Variants in FRMD4A observed in about 807,000 individuals in gnomAD.
The protein encoded by FRMD4A is FERM domain-containing protein 4A.
FRMD4A carries 29 observed loss-of-function variants against 129.1 expected under a neutral mutation model. The observed-to-expected ratio is 0.22, with a 90% CI of 0.17 to 0.31. The LOEUF (loss-of-function observed/expected upper bound fraction) is 0.31. FRMD4A is among the 10% of genes least tolerant of loss of function. The pLI is 1.00. For synonymous variants in FRMD4A, 634 were observed against 571.6 expected (o/e 1.11, Z -1.56); for missense variants, 1,272 against 1,375.8 (o/e 0.92, Z 1.19).
chr10:14,141,681 C>T (rs568765291), intron 2 of FRMD4A, among the ~76,000 whole-genome samples: 4 of 152,176 alleles, frequency 2.6e-5, no homozygotes, highest in Non-Finnish European at 4.4e-5. Flanking sequence ...TCCAGCCTCA[C>T]CCACTTCTCA....
intron 2 of FRMD4A, among the ~76,000 whole-genome samples, chr10:14,311,719 A>G (rs563938094): frequency 6.6e-5 from 10 of 152,012 alleles, no homozygotes; most frequent in African/African-American, 2.4e-4. Context: ...CTCCTGCCCC[A>G]CAAAATCAAG....
intron 2 of FRMD4A, among the ~76,000 whole-genome samples, chr10:13,907,873 A>AC (rs992510547): frequency 2.0e-5 from 3 of 150,836 alleles, no homozygotes; most frequent in Non-Finnish European, 4.4e-5. Flanking sequence ...AAAAAAAAAA[A>AC]AGCACAGATA....
chr10:13,784,447 T>A (rs1398847145), intron 5 of FRMD4A, among the ~76,000 whole-genome samples: 3 of 152,232 alleles, frequency 2.0e-5, no homozygotes, highest in African/African-American at 7.2e-5. Context: ...AACAAACTGA[T>A]GCCCTTAGCT....
intron 2 of FRMD4A, among the ~76,000 whole-genome samples, chr10:14,284,440 A>T (rs995457320): frequency 6.6e-6 from 1 of 152,200 alleles, no homozygotes; most frequent in East Asian, 1.9e-4. Context: ...CGAGATCAGG[A>T]CATCAAGACC....
intron 2 of FRMD4A, among the ~76,000 whole-genome samples, chr10:14,273,668 T>C (rs1845240236): frequency 6.6e-6 from 1 of 152,010 alleles, no homozygotes; most frequent in Admixed American, 6.5e-5. Flanking sequence ...TATGATGAGC[T>C]CTAATCTCCA....
At chr10:14,107,862 G>A (rs974519871) in intron 2 of FRMD4A, among the ~76,000 whole-genome samples, 2 of 152,092 alleles carry the variant, frequency 1.3e-5, no homozygotes, top group Admixed American at 1.3e-4. Flanking sequence ...TAGACTTTTG[G>A]GTTATTCCAG....
chr10:14,296,046 G>A (rs1347042081), intron 2 of FRMD4A, among the ~76,000 whole-genome samples: 1 of 151,990 alleles, frequency 6.6e-6, no homozygotes, highest in African/African-American at 2.4e-5. Flanking sequence ...GTGACTTCAT[G>A]GCTGTGGGAG....
intron 2 of FRMD4A, among the ~76,000 whole-genome samples, chr10:14,291,027 C>T (rs757443995): frequency 6.6e-6 from 1 of 151,974 alleles, no homozygotes; most frequent in Non-Finnish European, 1.5e-5. Context: ...TGAAAAAACC[C>T]AAACTGTGAT....
chr10:14,325,085 T>G (rs1417879514), intron 2 of FRMD4A, among the ~76,000 whole-genome samples: 1 of 152,232 alleles, frequency 6.6e-6, no homozygotes, highest in Non-Finnish European at 1.5e-5. Flanking sequence ...GTTGAGGACA[T>G]CCGGTGGGAC....
At chr10:14,318,222 C>T (rs543206763) in intron 2 of FRMD4A, among the ~76,000 whole-genome samples, 2 of 152,026 alleles carry the variant, frequency 1.3e-5, no homozygotes, top group African/African-American at 4.8e-5. Flanking sequence ...TTCATTAATC[C>T]CTAGGAAATG....
intron 2 of FRMD4A, among the ~76,000 whole-genome samples, chr10:13,936,644 C>T (rs1438706998): frequency 6.6e-6 from 1 of 152,168 alleles, no homozygotes; most frequent in Admixed American, 6.5e-5. Context: ...CAAATCTACC[C>T]CCACCTTGAT....
At chr10:13,689,781 T>C (rs1313648053) in intron 15 of FRMD4A, among the ~76,000 whole-genome samples, 1 of 152,042 alleles carries the variant, frequency 6.6e-6, no homozygotes, top group Admixed American at 6.6e-5. Context: ...AAGGCTGGTC[T>C]GGAACTCCTG....
At chr10:13,740,719 T>C in intron 9 of FRMD4A, 142 bp from the exon 10 acceptor site, 2 of 575,730 alleles carry the variant, frequency 3.5e-6, no homozygotes, top group Admixed American at 7.1e-5. Flanking sequence ...TGTCCTGGAG[T>C]GGTATTTCCA....
At chr10:13,955,884 T>C (rs2095407315) in intron 2 of FRMD4A, among the ~76,000 whole-genome samples, 1 of 152,212 alleles carries the variant, frequency 6.6e-6, no homozygotes, top group Non-Finnish European at 1.5e-5. Context: ...TAAAGCAGTA[T>C]GTATGAGGAA....
chr10:13,858,701 C>T (rs1185983846), intron 3 of FRMD4A, 146 bp downstream of exon 3: 3 of 679,286 alleles, frequency 4.4e-6, no homozygotes, highest in Non-Finnish European at 8.1e-6. Flanking sequence ...CACAAAACAC[C>T]CTGGTGGGTC....
chr10:13,749,282 A>G (rs1588545039), intron 8 of FRMD4A, among the ~76,000 whole-genome samples: 1 of 152,208 alleles, frequency 6.6e-6, no homozygotes, highest in Admixed American at 6.5e-5. Flanking sequence ...TATATTAACC[A>G]AGGCAAATAC....
chr10:13,961,190 G>A (rs1460779651), intron 2 of FRMD4A, among the ~76,000 whole-genome samples: 2 of 152,112 alleles, frequency 1.3e-5, no homozygotes, highest in Non-Finnish European at 2.9e-5. Context: ...GAAATTCTCC[G>A]CCAACTTACA....
intron 2 of FRMD4A, among the ~76,000 whole-genome samples, chr10:14,221,669 C>T (rs1240002456): frequency 6.6e-6 from 1 of 152,030 alleles, no homozygotes; most frequent in Admixed American, 6.5e-5. Context: ...AAGTGATCCT[C>T]CCGCCTCTGC....
At chr10:14,206,132 T>C (rs1031379036) in intron 2 of FRMD4A, among the ~76,000 whole-genome samples, 2 of 152,122 alleles carry the variant, frequency 1.3e-5, no homozygotes, top group Non-Finnish European at 2.9e-5. Context: ...AACCCAGCAA[T>C]TGATTGGTCG....
Sources: allele counts gnomAD v4.1 joint callset (sites outside exome capture counted in the v4.1 genomes callset), GRCh38; gene constraint gnomAD v4.1.1; transcripts MANE v1.5; gene names NCBI Gene and HGNC (gene_info 2026-07-23, HGNC 2026-07-21).